SEMA5A: variants seen among roughly 807,000 people sequenced by gnomAD.
SEMA5A encodes semaphorin 5A.
Under a neutral mutation model 135.5 loss-of-function variants are expected in SEMA5A, and 55 were observed. That is an observed-to-expected ratio of 0.41 (90% CI 0.33 to 0.51). The LOEUF is 0.51. SEMA5A is among the 20% of genes least tolerant of loss of function. The probability of loss-of-function intolerance (pLI) is 0.37; values close to 1 mark genes in which losing one functional copy is unlikely to be tolerated. For synonymous variants in SEMA5A, 580 were observed against 546.5 expected (o/e 1.06, Z -0.85); for missense variants, 1,290 against 1,419.9 (o/e 0.91, Z 1.47).
chr5:9,402,469 T>C (rs1185285700), intron 2 of SEMA5A, among the ~76,000 whole-genome samples: 1 of 152,198 alleles, frequency 6.6e-6, no homozygotes, highest in Non-Finnish European at 1.5e-5. Context: ...CTTCGGTAAT[T>C]CTCTTTTTTC....
chr5:9,375,305 C>T (rs1036353897), intron 3 of SEMA5A, among the ~76,000 whole-genome samples: 5 of 152,030 alleles, frequency 3.3e-5, no homozygotes, highest in Admixed American at 3.3e-4. Context: ...AAGATGAGGT[C>T]GTACTGGATT....
At chr5:9,481,172 C>T (rs2126778578) in intron 1 of SEMA5A, among the ~76,000 whole-genome samples, 1 of 152,260 alleles carries the variant, frequency 6.6e-6, no homozygotes, top group South Asian at 2.1e-4. Flanking sequence ...GTCTTGAACT[C>T]CTGACCTGAA....
intron 2 of SEMA5A, among the ~76,000 whole-genome samples, chr5:9,424,002 G>T (rs1187984913): frequency 6.6e-6 from 1 of 152,142 alleles, no homozygotes; most frequent in Non-Finnish European, 1.5e-5. Context: ...AGTGCAGTGT[G>T]GAGTGAGAAC....
At chr5:9,476,929 AAAAT>A (rs909589882) in intron 1 of SEMA5A, among the ~76,000 whole-genome samples, 2 of 152,076 alleles carry the variant, frequency 1.3e-5, no homozygotes, top group Non-Finnish European at 2.9e-5. Context: ...TAAAAAAAAA[AAAAT>A]AGCCATGCAT....
intron 21 of SEMA5A, among the ~76,000 whole-genome samples, chr5:9,047,038 C>CAGAT (rs147838028): frequency 6.6e-6 from 1 of 152,166 alleles, no homozygotes; most frequent in Non-Finnish European, 1.5e-5. Flanking sequence ...CTGGGACAGA[C>CAGAT]AGATAAAGTA....
At chr5:9,255,664 G>A (rs1167911176) in intron 5 of SEMA5A, among the ~76,000 whole-genome samples, 2 of 152,110 alleles carry the variant, frequency 1.3e-5, no homozygotes, top group Admixed American at 6.6e-5. Flanking sequence ...CTCCAATGGT[G>A]GCATGGCCCT....
At chr5:9,117,324 G>A (rs1002716643) in intron 15 of SEMA5A, among the ~76,000 whole-genome samples, 1 of 152,154 alleles carries the variant, frequency 6.6e-6, no homozygotes, top group South Asian at 2.1e-4. Flanking sequence ...CTTGACTCTA[G>A]GGAAGCCTTT....
At chr5:9,353,364 A>AAAGGG (rs1754292668) in intron 3 of SEMA5A, among the ~76,000 whole-genome samples, 7 of 138,206 alleles carry the variant, frequency 5.1e-5, no homozygotes, top group African/African-American at 8.2e-5. Context: ...GAAGGAAAGG[A>AAAGGG]AAGGAAAGGA....
At chr5:9,430,077 T>A (rs1757803922) in intron 2 of SEMA5A, among the ~76,000 whole-genome samples, 1 of 152,154 alleles carries the variant, frequency 6.6e-6, no homozygotes, top group African/African-American at 2.4e-5. Flanking sequence ...AGTGGTAAGA[T>A]ATTGGATATA....
chr5:9,132,242 C>G (rs1033151416), intron 13 of SEMA5A, among the ~76,000 whole-genome samples: 1 of 152,130 alleles, frequency 6.6e-6, no homozygotes, highest in Non-Finnish European at 1.5e-5. Flanking sequence ...TTGGGGGTCC[C>G]TTATCCAATT....
intron 16 of SEMA5A, among the ~76,000 whole-genome samples, chr5:9,088,659 T>TACACACACAC (rs1554026678): frequency 2.8e-4 from 32 of 112,794 alleles, no homozygotes; most frequent in African/African-American, 1.1e-3. Context: ...TATATATATA[T>TACACACACAC]ACACACACAC....
chr5:9,042,561 G>C lies in SEMA5A; in HGVS notation c.*336C>G. On this transcript the variant is annotated 3_prime_UTR_variant, in exon 23 of 23. Transcript: ENST00000382496. ...ACATCATGAAGATTTACACTCCAAA[G>C]TTCTAAAGAAAGACTCCTTCCAATG... The C allele has an allele frequency of 3.5e-6, 1 of 288,018 alleles. No individual in the cohort carries two copies. Among genetic ancestry groups the C allele is most frequent in the South Asian group, 4.0e-5 (1 of 25,230 alleles). 17.8% of individuals were successfully genotyped at this position (288,018 alleles called of 1,614,324 possible). A position where few individuals can be genotyped will look rare whatever the true frequency, so the allele number is the denominator to read the frequency against.
chr5:9,314,186 T>C (rs1163794440), intron 5 of SEMA5A, among the ~76,000 whole-genome samples: 1 of 152,122 alleles, frequency 6.6e-6, no homozygotes, highest in Non-Finnish European at 1.5e-5. Flanking sequence ...CCATGATTTG[T>C]GGTAGAAAAC....
intron 5 of SEMA5A, among the ~76,000 whole-genome samples, chr5:9,252,528 A>G (rs544395221): frequency 3.9e-5 from 6 of 152,336 alleles, no homozygotes; most frequent in African/African-American, 1.4e-4. Flanking sequence ...CACTATACAA[A>G]GAAAATTCAA....
chr5:9,267,961 A>T (rs1002430901), intron 5 of SEMA5A, among the ~76,000 whole-genome samples: 1 of 152,168 alleles, frequency 6.6e-6, no homozygotes, highest in Non-Finnish European at 1.5e-5. Context: ...ATATGACAGG[A>T]TCTGTTAGAG....
At chr5:9,446,343 A>C (rs1200260486) in intron 1 of SEMA5A, among the ~76,000 whole-genome samples, 1 of 152,102 alleles carries the variant, frequency 6.6e-6, no homozygotes, top group African/African-American at 2.4e-5. Context: ...GGCAAAAATG[A>C]CTTCTTTATT....
At chr5:9,276,025 C>G (rs1750243460) in intron 5 of SEMA5A, among the ~76,000 whole-genome samples, 2 of 152,186 alleles carry the variant, frequency 1.3e-5, no homozygotes, top group African/African-American at 2.4e-5. Flanking sequence ...CAAATTGTCT[C>G]TGTTTGCAGA....
At chr5:9,180,505 TA>T (rs76709309) in intron 11 of SEMA5A, among the ~76,000 whole-genome samples, 32 of 148,946 alleles carry the variant, frequency 2.1e-4, no homozygotes, top group African/African-American at 5.9e-4. Context: ...GGAGTGAATG[TA>T]AAAAAAAAAA....
chr5:9,375,403 C>A (rs946912273), intron 3 of SEMA5A, among the ~76,000 whole-genome samples: 1 of 151,974 alleles, frequency 6.6e-6, no homozygotes, highest in South Asian at 2.1e-4. Flanking sequence ...TACCATGAGA[C>A]TACAGACTAA....
Sources: allele counts gnomAD v4.1 joint callset (sites outside exome capture counted in the v4.1 genomes callset), GRCh38; gene constraint gnomAD v4.1.1; transcripts MANE v1.5; gene names NCBI Gene and HGNC (gene_info 2026-07-23, HGNC 2026-07-21).